Variants in KAZN observed in about 807,000 individuals in gnomAD.
KAZN encodes kazrin.
Under a neutral mutation model 87.4 loss-of-function variants are expected in KAZN, and 40 were observed. That is an observed-to-expected ratio of 0.46 (90% CI 0.36 to 0.60). The LOEUF is 0.60. Among genes scored for constraint, KAZN ranks in the 20% least tolerant of loss-of-function variants. The pLI is 0.00. For synonymous variants in KAZN, 466 were observed against 458.3 expected (o/e 1.02, Z -0.22); for missense variants, 898 against 1,073.9 (o/e 0.84, Z 2.29).
chr1:13,986,743 A>G (rs1451635386), intron 1 of KAZN, among the ~76,000 whole-genome samples: 1 of 152,216 alleles, frequency 6.6e-6, no homozygotes, highest in Non-Finnish European at 1.5e-5. Flanking sequence ...AGCAGAAGCC[A>G]AGGAAGGATG....
chr1:14,444,842 C>T (rs1666892498), intron 2 of KAZN, among the ~76,000 whole-genome samples: 1 of 152,068 alleles, frequency 6.6e-6, no homozygotes, highest in Non-Finnish European at 1.5e-5. Flanking sequence ...TCATATCTAC[C>T]CTGAAAACAT....
intron 1 of KAZN, among the ~76,000 whole-genome samples, chr1:14,835,432 G>T (rs541085742): frequency 4.6e-5 from 7 of 152,292 alleles, no homozygotes; most frequent in African/African-American, 1.2e-4. Flanking sequence ...TGACGAGAAG[G>T]GGGTGGGGGC....
intron 1 of KAZN, among the ~76,000 whole-genome samples, chr1:14,170,638 G>A (rs950001644): frequency 3.3e-5 from 5 of 152,150 alleles, no homozygotes; most frequent in African/African-American, 9.7e-5. Flanking sequence ...TCTAGTCCCA[G>A]AACCTTTTTA....
chr1:15,044,222 G>A (rs1673229053), intron 4 of KAZN, 63 bp downstream of exon 4: 5 of 1,192,694 alleles, frequency 4.2e-6, no homozygotes, highest in Admixed American at 2.5e-5. Flanking sequence ...TGGGAGCCGG[G>A]ACGTCTGGCA....
At chr1:14,396,716 G>A (rs992199642) in intron 2 of KAZN, among the ~76,000 whole-genome samples, 19 of 152,292 alleles carry the variant, frequency 1.2e-4, no homozygotes, top group Admixed American at 1.0e-3. Context: ...TTACAAGTGT[G>A]GAAGAAAACT....
At chr1:15,028,846 C>G (rs1035863324) in intron 2 of KAZN, among the ~76,000 whole-genome samples, 2 of 152,200 alleles carry the variant, frequency 1.3e-5, no homozygotes, top group Non-Finnish European at 2.9e-5. Flanking sequence ...CAGCATGACT[C>G]ACAGCCTGCC....
chr1:15,047,060 GCCT>G (rs1449605051), intron 4 of KAZN, among the ~76,000 whole-genome samples: 6 of 152,188 alleles, frequency 3.9e-5, no homozygotes, highest in Admixed American at 6.5e-5. Context: ...TCAGCTTCTG[GCCT>G]CCTTCTGGCA....
chr1:14,463,184 G>A (rs188639954), intron 2 of KAZN, among the ~76,000 whole-genome samples: 28 of 152,278 alleles, frequency 1.8e-4, no homozygotes, highest in Non-Finnish European at 3.4e-4. Flanking sequence ...TCATTGCTAC[G>A]GAAAAAGGTG....
chr1:14,706,737 C>T (rs1294857028), intron 1 of KAZN, among the ~76,000 whole-genome samples: 1 of 152,176 alleles, frequency 6.6e-6, no homozygotes, highest in Non-Finnish European at 1.5e-5. Flanking sequence ...ACACTCAGCA[C>T]ATAACAGTTT....
chr1:14,820,927 C>T lies in KAZN; in HGVS notation c.227-139757C>T, dbSNP rs1172280013. On this transcript the variant is annotated intron_variant, in intron 1 of 14. Transcript: ENST00000376030. This position sits in a 1 kb window ranked among gnomAD's most constrained non-coding sequence, Gnocchi z 4.1. ...AAGGGCTCAGACGACATGACGGCACCGGGGATGGCAAGGGCTGGACGCAGC... is the reference window on the plus strand; with the variant it reads ...AAGGGCTCAGACGACATGACGGCACTGGGGATGGCAAGGGCTGGACGCAGC... Among the ~76,000 whole-genome samples, 2 of 152,072 alleles carry T rather than the reference C, an allele frequency of 1.3e-5. No individual in the cohort carries two copies. Among genetic ancestry groups the T allele is most frequent in the Admixed American group, 6.6e-5 (1 of 15,256 alleles).
chr1:14,353,061 A>G (rs1658682082), intron 2 of KAZN, among the ~76,000 whole-genome samples: 2 of 152,142 alleles, frequency 1.3e-5, no homozygotes, highest in African/African-American at 2.4e-5. Context: ...GTGACTCCTT[A>G]TGTTGAAATA....
intron 2 of KAZN, among the ~76,000 whole-genome samples, chr1:14,430,852 G>C (rs1193792750): frequency 6.6e-6 from 1 of 152,178 alleles, no homozygotes; most frequent in Non-Finnish European, 1.5e-5. Flanking sequence ...ACTGAGGAGT[G>C]CTCAGCAAAG....
intron 2 of KAZN, among the ~76,000 whole-genome samples, chr1:14,406,163 T>C (rs1354994391): frequency 2.6e-5 from 4 of 152,164 alleles, no homozygotes; most frequent in Non-Finnish European, 5.9e-5. Flanking sequence ...TTCTCCACAA[T>C]CTACTTTTTT....
At chr1:15,063,704 A>G (rs41269413) in intron 7 of KAZN, 82 bp downstream of exon 7, 16,694 of 1,157,176 alleles carry the variant, frequency 0.014, 180 homozygotes, top group Middle Eastern at 0.019. Flanking sequence ...CCCTGAGCCC[A>G]CATCCATGCC....
chr1:14,563,308 A>G (rs896127066), intron 2 of KAZN, among the ~76,000 whole-genome samples: 5 of 152,218 alleles, frequency 3.3e-5, no homozygotes, highest in East Asian at 1.9e-4. Context: ...CTTGTTAAAA[A>G]TGAAGATTCC....
At chr1:14,636,207 G>A (rs756188791) in intron 1 of KAZN, among the ~76,000 whole-genome samples, 7 of 152,302 alleles carry the variant, frequency 4.6e-5, no homozygotes, top group African/African-American at 7.2e-5. Flanking sequence ...AGGCACCTCC[G>A]TCTCTTGGCT....
At chr1:14,155,808 T>C (rs6429829) in intron 1 of KAZN, among the ~76,000 whole-genome samples, 26,524 of 151,910 alleles carry the variant, frequency 0.17, 2,894 homozygotes, top group East Asian at 0.33. Context: ...CACCACCATG[T>C]CCAGTTAATT....
chr1:14,295,961 T>C (rs1411358560), intron 2 of KAZN, among the ~76,000 whole-genome samples: 1 of 152,176 alleles, frequency 6.6e-6, no homozygotes, highest in Admixed American at 6.5e-5. Flanking sequence ...CAGTTTGGAA[T>C]TCTGACCTCA....
intron 1 of KAZN, among the ~76,000 whole-genome samples, chr1:14,173,549 A>C (rs1218201898): frequency 2.0e-5 from 3 of 152,182 alleles, no homozygotes. Context: ...ATTGAATCCC[A>C]GGACTATCCG....
Sources: allele counts gnomAD v4.1 joint callset (sites outside exome capture counted in the v4.1 genomes callset), GRCh38; gene constraint gnomAD v4.1.1; non-coding constraint Gnocchi (gnomAD v3.1); transcripts MANE v1.5; gene names NCBI Gene and HGNC (gene_info 2026-07-23, HGNC 2026-07-21).